ERC1: variants seen among roughly 807,000 people sequenced by gnomAD.
ERC1 encodes RAB6 interacting protein 2.
Under a neutral mutation model 132.0 loss-of-function variants are expected in ERC1, and 56 were observed. That is an observed-to-expected ratio of 0.42 (90% CI 0.34 to 0.53). ERC1 has a LOEUF of 0.53. Among genes scored for constraint, ERC1 ranks in the 20% least tolerant of loss-of-function variants. The probability of loss-of-function intolerance (pLI) is 0.03; values close to 1 mark genes in which losing one functional copy is unlikely to be tolerated. For missense variants in ERC1, 1,202 were observed against 1,349.9 expected, an observed-to-expected ratio of 0.89 and a Z score of 1.72; for synonymous variants, 478 against 476.1, an observed-to-expected ratio of 1.00 and a Z score of -0.05.
intron 12 of ERC1, among the ~76,000 whole-genome samples, chr12:1,194,356 G>T (rs1255867777): frequency 6.6e-6 from 1 of 152,168 alleles, no homozygotes; most frequent in Non-Finnish European, 1.5e-5. Context: ...AGGAGGTGGA[G>T]GTTGCAGTGA....
intron 2 of ERC1, among the ~76,000 whole-genome samples, chr12:1,048,691 A>G (rs1035751573): frequency 2.0e-5 from 3 of 152,216 alleles, no homozygotes; most frequent in Admixed American, 2.0e-4. Context: ...GTATTATAAA[A>G]ATTTTTTGGT....
intron 12 of ERC1, among the ~76,000 whole-genome samples, chr12:1,213,593 T>C (rs1303289995): frequency 6.6e-6 from 1 of 151,728 alleles, no homozygotes; most frequent in African/African-American, 2.4e-5. Context: ...AGAAACTGCC[T>C]GGTTGTGGTG....
intron 7 of ERC1, among the ~76,000 whole-genome samples, chr12:1,129,811 G>A (rs1026984640): frequency 1.5e-5 from 2 of 129,186 alleles, no homozygotes; most frequent in Non-Finnish European, 1.6e-5. Flanking sequence ...ATGTATGTTA[G>A]AAAGAAGAAA....
intron 15 of ERC1, among the ~76,000 whole-genome samples, chr12:1,329,680 T>C (rs1218676283): frequency 6.6e-6 from 1 of 152,152 alleles, no homozygotes; most frequent in Non-Finnish European, 1.5e-5. Context: ...CTTACCTAGC[T>C]GGGGAAGGGG....
chr12:1,073,891 G>A (rs925051483), intron 2 of ERC1, among the ~76,000 whole-genome samples: 8 of 113,928 alleles, frequency 7.0e-5, no homozygotes, highest in African/African-American at 2.0e-4. Context: ...CACCCGAGAC[G>A]GAGTCTTGCT....
intron 18 of ERC1, among the ~76,000 whole-genome samples, chr12:1,483,982 C>T (rs1160118050): frequency 6.6e-6 from 1 of 151,768 alleles, no homozygotes; most frequent in African/African-American, 2.4e-5. Context: ...GCGTGAGCCG[C>T]TGCGCCCAGC....
At chr12:1,335,791 G>T (rs1487774189) in intron 15 of ERC1, among the ~76,000 whole-genome samples, 1 of 152,078 alleles carries the variant, frequency 6.6e-6, no homozygotes, top group African/African-American at 2.4e-5. Flanking sequence ...AATAGTTTCA[G>T]GGGTAATGGT....
chr12:1,343,951 C>T (rs1190217968), intron 15 of ERC1, among the ~76,000 whole-genome samples: 2 of 152,112 alleles, frequency 1.3e-5, no homozygotes, highest in East Asian at 1.9e-4. Flanking sequence ...ACACCATTCT[C>T]CTGCCTCAGT....
intron 12 of ERC1, among the ~76,000 whole-genome samples, chr12:1,228,037 A>T (rs1235639300): frequency 6.6e-6 from 1 of 152,098 alleles, no homozygotes; most frequent in Non-Finnish European, 1.5e-5. Flanking sequence ...CTGGTACCAT[A>T]GTGTTTAGAT....
In ERC1 at chr12:1,179,296, A is replaced by G. The variant is rs1954093135; in HGVS notation, c.1738-1244A>G. Among the ~76,000 whole-genome samples the G allele has an allele frequency of 3.3e-5, 5 of 152,258 alleles. 1 individual carries two copies. The South Asian group carries it at 1.0e-3, about 32-fold the overall frequency. On this transcript the variant is annotated intron_variant, in intron 8 of 18. Coordinates refer to ENST00000360905, the MANE Select transcript of ERC1 (RefSeq NM_178040.4). ...AGATCCTTGCATGCTGACACTGCCA[A>G]CACTGGTACTGTTATTTATTTAAAG...
chr12:1,012,695 C>G (rs1010593719), intron 1 of ERC1, among the ~76,000 whole-genome samples: 1 of 152,094 alleles, frequency 6.6e-6, no homozygotes, highest in Non-Finnish European at 1.5e-5. Context: ...ACCTCGTGGT[C>G]TGCCTGCCTT....
chr12:1,192,233 T>C (rs1328028144), intron 12 of ERC1, among the ~76,000 whole-genome samples: 1 of 152,240 alleles, frequency 6.6e-6, no homozygotes, highest in Non-Finnish European at 1.5e-5. Flanking sequence ...TTTAGTATTA[T>C]GACTTGCTTA....
intron 2 of ERC1, among the ~76,000 whole-genome samples, chr12:1,048,864 T>C (rs957967099): frequency 6.6e-6 from 1 of 152,210 alleles, no homozygotes; most frequent in African/African-American, 2.4e-5. Context: ...ACAGTTGGAA[T>C]TGTTTGTGAT....
chr12:1,462,537 A>G (rs978029972), intron 18 of ERC1, among the ~76,000 whole-genome samples: 1 of 152,254 alleles, frequency 6.6e-6, no homozygotes, highest in African/African-American at 2.4e-5. Flanking sequence ...CTGAATCTTC[A>G]GAAACACTGT....
chr12:1,421,586 A>C (rs1395725285), intron 17 of ERC1, among the ~76,000 whole-genome samples: 3 of 152,208 alleles, frequency 2.0e-5, no homozygotes, highest in Admixed American at 2.0e-4. Flanking sequence ...GCCAGAATGC[A>C]AAAGTCTGAA....
chr12:1,023,451 T>C (rs756446554), intron 1 of ERC1, among the ~76,000 whole-genome samples: 1 of 152,028 alleles, frequency 6.6e-6, no homozygotes. Flanking sequence ...GGTTTTGGAA[T>C]GGGGAGACCT....
chr12:1,389,359 G>T (rs1014073571), intron 16 of ERC1, among the ~76,000 whole-genome samples: 2 of 152,150 alleles, frequency 1.3e-5, no homozygotes, highest in Admixed American at 6.5e-5. Flanking sequence ...CATGAAAATG[G>T]AATAGCTTGC....
At chr12:1,385,961 G>A (rs1390631530) in intron 16 of ERC1, 1 of 150,702 alleles carries the variant, frequency 6.6e-6, no homozygotes, top group African/African-American at 2.4e-5. Flanking sequence ...CATGAGCCAT[G>A]ATTGACAGAA....
chr12:1,121,475 T>C (rs1273086209), intron 7 of ERC1, among the ~76,000 whole-genome samples: 5 of 152,226 alleles, frequency 3.3e-5, no homozygotes, highest in Non-Finnish European at 7.3e-5. Context: ...TTTAGGTTGA[T>C]GGAATTACAT....
Sources: gnomAD v4.1 joint callset for allele counts (sites outside exome capture counted in the v4.1 genomes callset) on GRCh38, gnomAD v4.1.1 for gene constraint, MANE v1.5 for transcripts, NCBI Gene and HGNC (gene_info 2026-07-23, HGNC 2026-07-21) for gene names.